The following MEF2A variants were observed in gnomAD, a reference collection of about 807,000 sequenced individuals.
MEF2A encodes myocyte-specific enhancer factor 2A.
A neutral mutation model predicts 55.8 loss-of-function variants in MEF2A; 28 were observed. The ratio of observed to expected loss-of-function variants is 0.50; its 90% CI spans 0.37 to 0.69. The LOEUF (loss-of-function observed/expected upper bound fraction) is 0.69, where lower values mean the gene tolerates loss of function less well. MEF2A is among the 30% of genes least tolerant of loss of function. The probability of loss-of-function intolerance (pLI) is 0.00; values close to 1 mark genes in which losing one functional copy is unlikely to be tolerated. For missense variants in MEF2A, 528 were observed against 626.2 expected, an observed-to-expected ratio of 0.84 and a Z score of 1.67; for synonymous variants, 239 against 227.1, an observed-to-expected ratio of 1.05 and a Z score of -0.47.
At chr15:99,625,603 C>A (rs549237441) in intron 2 of MEF2A, among the ~76,000 whole-genome samples, 3 of 152,214 alleles carry the variant, frequency 2.0e-5, no homozygotes, top group Admixed American at 2.0e-4. Context: ...ATGAAGTTAG[C>A]TGTGGAATTT....
intron 1 of MEF2A, among the ~76,000 whole-genome samples, chr15:99,584,276 A>G (rs1966745219): frequency 6.6e-6 from 1 of 152,154 alleles, no homozygotes; most frequent in Admixed American, 6.5e-5. Flanking sequence ...GATGTTAGAT[A>G]CCCCAAGGCA....
At chr15:99,622,697 C>CTTTTTTT (rs773855602) in intron 2 of MEF2A, among the ~76,000 whole-genome samples, 1 of 64,184 alleles carries the variant, frequency 1.6e-5, no homozygotes, top group Non-Finnish European at 5.0e-5. Flanking sequence ...AGGATGTTTT[C>CTTTTTTT]TTTTCTTTTT....
chr15:99,567,818 G>C (rs951891618), intron 1 of MEF2A, among the ~76,000 whole-genome samples: 4 of 152,108 alleles, frequency 2.6e-5, no homozygotes, highest in Non-Finnish European at 4.4e-5. Flanking sequence ...ATTAAGATCA[G>C]TATTTGTTAT....
At chr15:99,672,084 G>A (rs1194896315) in intron 5 of MEF2A, among the ~76,000 whole-genome samples, 2 of 152,162 alleles carry the variant, frequency 1.3e-5, no homozygotes, top group Non-Finnish European at 2.9e-5. Context: ...TCTTGAGAAA[G>A]CAAAATGTAA....
intron 2 of MEF2A, among the ~76,000 whole-genome samples, chr15:99,605,787 A>G (rs543516036): frequency 1.3e-5 from 2 of 152,264 alleles, no homozygotes; most frequent in East Asian, 3.9e-4. Flanking sequence ...CTTGGGCAAC[A>G]CAGCAAAACC....
chr15:99,651,310 C>G (rs1464200032), intron 4 of MEF2A, among the ~76,000 whole-genome samples: 1 of 152,098 alleles, frequency 6.6e-6, no homozygotes, highest in African/African-American at 2.4e-5. Flanking sequence ...AGTGCTTGAC[C>G]TTACAAAAGT....
intron 2 of MEF2A, among the ~76,000 whole-genome samples, chr15:99,610,303 G>A (rs1463722980): frequency 1.3e-5 from 2 of 151,372 alleles, no homozygotes; most frequent in East Asian, 1.9e-4. Flanking sequence ...ATGCAAAGAC[G>A]GTACCATCTT....
chr15:99,660,802 G>GA (rs1596912595), intron 4 of MEF2A, among the ~76,000 whole-genome samples: 1 of 152,160 alleles, frequency 6.6e-6, no homozygotes, highest in East Asian at 1.9e-4. Flanking sequence ...TCATAGATCA[G>GA]AAGTCTCAAA....
At chr15:99,649,105 T>C (rs2046436664) in intron 4 of MEF2A, among the ~76,000 whole-genome samples, 1 of 152,180 alleles carries the variant, frequency 6.6e-6, no homozygotes, top group Non-Finnish European at 1.5e-5. Context: ...TTTTAAACTT[T>C]GGTTAGAGTT....
At chr15:99,608,313 A>C (rs1167222105) in intron 2 of MEF2A, among the ~76,000 whole-genome samples, 1 of 152,214 alleles carries the variant, frequency 6.6e-6, no homozygotes, top group African/African-American at 2.4e-5. Flanking sequence ...TTCATTGTAT[A>C]AAACATGTTG....
At chr15:99,667,296 C>CTG (rs1206049552) in intron 4 of MEF2A, among the ~76,000 whole-genome samples, 2 of 152,266 alleles carry the variant, frequency 1.3e-5, no homozygotes, top group East Asian at 3.9e-4. Flanking sequence ...ATCTCGCTCA[C>CTG]TGCAAGCTCC....
intron 1 of MEF2A, among the ~76,000 whole-genome samples, chr15:99,578,977 T>A (rs1415076760): frequency 6.6e-6 from 1 of 152,240 alleles, no homozygotes; most frequent in African/African-American, 2.4e-5. Context: ...TTTGAGTTAC[T>A]GTGAAATGGT....
At chr15:99,619,452 G>T (rs995931016) in intron 2 of MEF2A, among the ~76,000 whole-genome samples, 11 of 152,162 alleles carry the variant, frequency 7.2e-5, no homozygotes, top group Admixed American at 4.6e-4. Flanking sequence ...TTATTTTTCA[G>T]ATTTAAAATG....
intron 2 of MEF2A, among the ~76,000 whole-genome samples, chr15:99,610,576 C>T (rs1227882673): frequency 2.0e-5 from 3 of 152,052 alleles, no homozygotes; most frequent in African/African-American, 7.3e-5. Flanking sequence ...GTAACCTAGA[C>T]AGTATGTTAC....
intron 1 of MEF2A, among the ~76,000 whole-genome samples, chr15:99,567,626 A>AGTGTGTGTGTGTGTGT (rs1567124507): frequency 1.6e-5 from 2 of 122,014 alleles, no homozygotes; most frequent in African/African-American, 6.5e-5. Flanking sequence ...TTTTGTATGT[A>AGTGTGTGTGTGTGTGT]CTGTGTGTGT....
rs184708030 is a variant in MEF2A at position 99,647,804 on chromosome 15, G to A, written c.258+2040G>A. On this transcript the variant is annotated intron_variant, in intron 4 of 11. Transcript: ENST00000557942. ...TGAAGTTCTAAATTATATAAATACAGTAGATAGAAGACACATTAGATTATT... is the reference window on the plus strand; with the variant it reads ...TGAAGTTCTAAATTATATAAATACAATAGATAGAAGACACATTAGATTATT... 3.3e-5 allele frequency among the ~76,000 whole-genome samples: 5 copies of A among 152,266 alleles called. No individual in the cohort carries two copies. In the East Asian group the frequency reaches 9.6e-4, roughly 29 times the overall value.
intron 7 of MEF2A, among the ~76,000 whole-genome samples, chr15:99,686,750 G>T (rs983502800): frequency 3.9e-5 from 6 of 152,010 alleles, no homozygotes; most frequent in Non-Finnish European, 2.9e-5. Context: ...TTTGTATTTG[G>T]ATTTCTAGAT....
chr15:99,685,142 G>T (rs534782478), intron 7 of MEF2A, among the ~76,000 whole-genome samples: 6 of 152,220 alleles, frequency 3.9e-5, no homozygotes, highest in Middle Eastern at 3.4e-3. Flanking sequence ...CTCCAGATTT[G>T]TTCTTTTTGC....
At chr15:99,622,702 CT>C (rs56054040) in intron 2 of MEF2A, among the ~76,000 whole-genome samples, 11 of 135,702 alleles carry the variant, frequency 8.1e-5, no homozygotes, top group African/African-American at 1.3e-4. Context: ...GTTTTCTTTT[CT>C]TTTTTTTTTT....
Sources: allele counts gnomAD v4.1 joint callset (sites outside exome capture counted in the v4.1 genomes callset), GRCh38; gene constraint gnomAD v4.1.1; transcripts MANE v1.5; gene names NCBI Gene and HGNC (gene_info 2026-07-23, HGNC 2026-07-21).